The following RNLS variants were observed in gnomAD, a reference collection of about 807,000 sequenced individuals.
The protein encoded by RNLS is renalase.
Under a neutral mutation model 39.8 loss-of-function variants are expected in RNLS, and 39 were observed. The observed-to-expected ratio is 0.98, with a 90% CI of 0.76 to 1.28. RNLS has a LOEUF of 1.28. Among genes scored for constraint, RNLS ranks in the 50% most tolerant of loss-of-function variants. The pLI, the probability that RNLS is intolerant of heterozygous loss-of-function variation, is 0.00. For missense variants in RNLS, 410 were observed against 413.3 expected (o/e 0.99, Z 0.07); for synonymous variants, 147 against 150.7 (o/e 0.98, Z 0.18).
chr10:88,438,374 T>C (rs1320976342), intron 4 of RNLS, among the ~76,000 whole-genome samples: 3 of 152,340 alleles, frequency 2.0e-5, no homozygotes, highest in South Asian at 2.1e-4. Context: ...CTTCTTGTTA[T>C]ATAAATGAAT....
At chr10:88,177,509 T>A in the RNLS span, among the ~76,000 whole-genome samples, 2 of 152,256 alleles carry the variant, frequency 1.3e-5, no homozygotes, top group Non-Finnish European at 2.9e-5. Context: ...TTGAACTGTC[T>A]ATTTGTTTTC....
chr10:88,509,709 G>A (rs77459432), intron 4 of RNLS, among the ~76,000 whole-genome samples: 1,962 of 149,368 alleles, frequency 0.013, 83 homozygotes, highest in South Asian at 0.1. Context: ...TCTCTACCAA[G>A]CACATAATAA....
intron 4 of RNLS, among the ~76,000 whole-genome samples, chr10:88,421,379 A>G (rs1432448804): frequency 1.3e-5 from 2 of 152,238 alleles, no homozygotes; most frequent in Non-Finnish European, 2.9e-5. Flanking sequence ...AACGCTAACA[A>G]TTAAGGATCC....
At chr10:88,227,873 G>A in the RNLS span, among the ~76,000 whole-genome samples, 1,798 of 152,202 alleles carry the variant, frequency 0.012, 29 homozygotes, top group African/African-American at 0.04. Context: ...AAATTGCTCT[G>A]CTCCTAAGAT....
intron 4 of RNLS, among the ~76,000 whole-genome samples, chr10:88,426,621 G>T (rs1854785535): frequency 6.6e-6 from 1 of 152,002 alleles, no homozygotes; most frequent in South Asian, 2.1e-4. Context: ...CATACTACTT[G>T]CCTGGCACTG....
chr10:88,545,479 A>G (rs753079934), intron 4 of RNLS: 28 of 456,028 alleles, frequency 6.1e-5, no homozygotes, highest in Admixed American at 9.4e-5. Context: ...AAGACAGCAT[A>G]TGTACAACTG....
At chr10:88,535,425 C>T (rs1847690338) in intron 4 of RNLS, among the ~76,000 whole-genome samples, 1 of 149,070 alleles carries the variant, frequency 6.7e-6, no homozygotes, top group South Asian at 2.1e-4. Flanking sequence ...TTTTAAAAGC[C>T]AGGTAGTGGG....
intron 4 of RNLS, among the ~76,000 whole-genome samples, chr10:88,443,780 GCCCGC>G (rs950943348): frequency 3.3e-5 from 5 of 152,184 alleles, no homozygotes; most frequent in African/African-American, 9.7e-5. Flanking sequence ...GGGAAGGGGC[GCCCGC>G]CATTGCTGAG....
chr10:88,447,156 T>C (rs1490908558), intron 4 of RNLS, among the ~76,000 whole-genome samples: 1 of 152,208 alleles, frequency 6.6e-6, no homozygotes, highest in Non-Finnish European at 1.5e-5. Context: ...TTGGAAGTTC[T>C]GGCCAGGAAA....
intron 5 of RNLS, among the ~76,000 whole-genome samples, chr10:88,362,263 C>A (rs940117717): frequency 2.0e-5 from 3 of 152,032 alleles, no homozygotes; most frequent in Admixed American, 1.3e-4. Flanking sequence ...CATATAGATG[C>A]ATCCATATTA....
the RNLS span, among the ~76,000 whole-genome samples, chr10:88,257,805 T>C: frequency 6.6e-6 from 1 of 152,218 alleles, no homozygotes; most frequent in African/African-American, 2.4e-5. Context: ...TCATGGACTT[T>C]CACAGTCTGG....
At chr10:88,225,833 A>C in the RNLS span, among the ~76,000 whole-genome samples, 1 of 152,224 alleles carries the variant, frequency 6.6e-6, no homozygotes, top group African/African-American at 2.4e-5. Flanking sequence ...TACTAAACAC[A>C]CAAATAGGCA....
intron 4 of RNLS, among the ~76,000 whole-genome samples, chr10:88,472,413 G>A (rs1441700179): frequency 1.3e-5 from 2 of 152,094 alleles, no homozygotes; most frequent in African/African-American, 4.8e-5. Context: ...CTGGAGCCTG[G>A]GGAACCTGTT....
At chr10:88,449,968 T>C (rs1167931267) in intron 4 of RNLS, among the ~76,000 whole-genome samples, 1 of 152,028 alleles carries the variant, frequency 6.6e-6, no homozygotes, top group East Asian at 1.9e-4. Context: ...GTCCTTGAAA[T>C]TCATGACAGA....
intron 4 of RNLS, among the ~76,000 whole-genome samples, chr10:88,443,718 T>C (rs1841865389): frequency 6.6e-6 from 1 of 152,232 alleles, no homozygotes; most frequent in South Asian, 2.1e-4. Context: ...TGCTCATCTC[T>C]TGTAGCTAGC....
chr10:88,244,351 C>CG, the RNLS span, among the ~76,000 whole-genome samples: 1 of 152,164 alleles, frequency 6.6e-6, no homozygotes, highest in Admixed American at 6.5e-5. Context: ...TGACAGGCAC[C>CG]GGGGGGCTTA....
chr10:88,445,390 C>T (rs1475650975), intron 4 of RNLS, among the ~76,000 whole-genome samples: 1 of 152,184 alleles, frequency 6.6e-6, no homozygotes, highest in Non-Finnish European at 1.5e-5. Flanking sequence ...ACCATCAATG[C>T]TAGGAAGAAA....
intron 4 of RNLS, among the ~76,000 whole-genome samples, chr10:88,395,312 T>C (rs1852492112): frequency 6.6e-6 from 1 of 150,462 alleles, no homozygotes; most frequent in African/African-American, 2.4e-5. Flanking sequence ...GCCATTTTAG[T>C]TGCATTCAAA....
chr10:88,348,571 T>A (rs1437334924), intron 5 of RNLS, among the ~76,000 whole-genome samples: 1 of 152,158 alleles, frequency 6.6e-6, no homozygotes, highest in Non-Finnish European at 1.5e-5. Context: ...GATCTGTAAT[T>A]TGGACTTGTT....
Sources: allele counts gnomAD v4.1 joint callset (sites outside exome capture counted in the v4.1 genomes callset), GRCh38; gene constraint gnomAD v4.1.1; transcripts MANE v1.5; gene names NCBI Gene and HGNC (gene_info 2026-07-23, HGNC 2026-07-21).